IL16: variants seen among roughly 807,000 people sequenced by gnomAD.
The protein encoded by IL16 is pro-interleukin-16.
IL16 carries 67 observed loss-of-function variants against 110.1 expected under a neutral mutation model. That is an observed-to-expected ratio of 0.61 (90% CI 0.50 to 0.75). The LOEUF is 0.75. Ranked by LOEUF, IL16 falls within the 30% of genes least tolerant of loss-of-function variation. The pLI, the probability that IL16 is intolerant of heterozygous loss-of-function variation, is 0.00. For missense variants in IL16, 1,545 were observed against 1,655.0 expected (o/e 0.93, Z 1.15); for synonymous variants, 689 against 662.9 (o/e 1.04, Z -0.61).
chr15:81,194,435 A>T (rs980493174), upstream of IL16, among the ~76,000 whole-genome samples: 3 of 151,574 alleles, frequency 2.0e-5, no homozygotes, highest in African/African-American at 7.2e-5. Flanking sequence ...TTAATTTTTT[A>T]AATTAAATTT....
chr15:81,275,891 A>G (rs1898888048), intron 6 of IL16, among the ~76,000 whole-genome samples: 1 of 152,192 alleles, frequency 6.6e-6, no homozygotes, highest in Non-Finnish European at 1.5e-5. Flanking sequence ...CCAAGAAACT[A>G]TTGTGTAAGA....
upstream of IL16, among the ~76,000 whole-genome samples, chr15:81,192,988 A>G (rs75164215): frequency 6.8e-4 from 104 of 152,334 alleles, no homozygotes; most frequent in African/African-American, 2.4e-3. Context: ...CCTTACAAGT[A>G]TTACCATATT....
chr15:81,265,073 G>T (rs74030056), intron 3 of IL16, among the ~76,000 whole-genome samples: 1 of 152,118 alleles, frequency 6.6e-6, no homozygotes, highest in Non-Finnish European at 1.5e-5. Flanking sequence ...TAGAGTTCCC[G>T]GTTGGATGAA....
Position 81,313,334 on chromosome 15 carries a change from C to G in IL16, c.*4536C>G, listed in dbSNP as rs781682873. ...TGCTGCGGGGGAAGAAGGAGTCCAC[C>G]ACGTTCTGTGGGAGGTAACCGCTGA... On this transcript the variant is annotated 3_prime_UTR_variant, in exon 19 of 19. Transcript: ENST00000683961. 1 of 1,578,890 alleles carries G rather than the reference C, an allele frequency of 6.3e-7. No individual in the cohort carries two copies. Among genetic ancestry groups the G allele is most frequent in the Non-Finnish European group, 8.6e-7 (1 of 1,162,890 alleles).
At chr15:81,216,667 C>G (rs1484359180) in intron 1 of IL16, among the ~76,000 whole-genome samples, 1 of 141,834 alleles carries the variant, frequency 7.1e-6, no homozygotes, top group Non-Finnish European at 1.5e-5. Context: ...GCAGCAGCAG[C>G]AGCAGCAGGA....
At chr15:81,188,016 A>G (rs537575573) in intron 1 of IL16, among the ~76,000 whole-genome samples, 100 of 152,250 alleles carry the variant, frequency 6.6e-4, no homozygotes, top group African/African-American at 2.4e-3. Flanking sequence ...GGTGGTGAGC[A>G]CTGTATTGAG....
rs144696756 is a variant in IL16 at position 81,262,681 on chromosome 15, C to T, written c.421+2801C>T. Reference sequence around the variant, plus strand: ...GCGCAGTGGCTCACGCCTGTAATCCCAGCACTTTGGGAGGCCGAGGTGGGT... The same window carrying T: ...GCGCAGTGGCTCACGCCTGTAATCCTAGCACTTTGGGAGGCCGAGGTGGGT... On this transcript the variant is annotated intron_variant, in intron 3 of 18. Coordinates refer to ENST00000683961, the MANE Select transcript of IL16 (RefSeq NM_172217.5). Among the ~76,000 whole-genome samples, 1,065 of 152,306 alleles carry T rather than the reference C, an allele frequency of 7.0e-3. 15 individuals are homozygous for T. The highest frequency in any genetic ancestry group is 0.024 in the African/African-American group (996 of 41,564).
At chr15:81,227,769 C>A (rs917451343) in intron 2 of IL16, among the ~76,000 whole-genome samples, 5 of 150,994 alleles carry the variant, frequency 3.3e-5, no homozygotes, top group African/African-American at 1.2e-4. Flanking sequence ...GCAGCAATAA[C>A]CCAGGCCAGA....
intron 12 of IL16, chr15:81,295,398 C>T (rs879290706): frequency 1.6e-6 from 2 of 1,271,772 alleles, no homozygotes; most frequent in Non-Finnish European, 2.0e-6. Context: ...AGACAAAACA[C>T]ATTTGTGCTG....
rs1567046877 is a variant in IL16 at position 81,303,014 on chromosome 15, A to AGTGTGTGTGTGTGTGTGTGTGTGTGTGT, written c.3319-535_3319-534insGTGTGTGTGTGTGTGTGTGTGTGTGTGT. The stretch of plus-strand genomic sequence containing the variant: ...CGTCTAGGCTAGGAAGTACCGTAGT[A>AGTGTGTGTGTGTGTGTGTGTGTGTGTGT]ATGTGTGTGTGTGTGTGTGTGTGTG... On this transcript the variant is annotated intron_variant, in intron 15 of 18. Transcript: ENST00000683961. This position sits in a 1 kb window ranked among gnomAD's most constrained non-coding sequence, Gnocchi z 4.1. 1.4e-5 allele frequency among the ~76,000 whole-genome samples: 1 copy of AGTGTGTGTGTGTGTGTGTGTGTGTGTGT among 70,298 alleles called. No individual in the cohort carries two copies. Among genetic ancestry groups the AGTGTGTGTGTGTGTGTGTGTGTGTGTGT allele is most frequent in the African/African-American group, 5.1e-5 (1 of 19,730 alleles). 46.1% of individuals were successfully genotyped at this position (70,298 alleles called of 152,430 possible).
At chr15:81,200,449 A>C (rs1895767518) in intron 1 of IL16, among the ~76,000 whole-genome samples, 2 of 152,126 alleles carry the variant, frequency 1.3e-5, no homozygotes, top group African/African-American at 2.4e-5. Context: ...GGCTCACTGC[A>C]GCCTTGACTC....
At chr15:81,268,707 G>A (rs898937140) in intron 4 of IL16, among the ~76,000 whole-genome samples, 4 of 152,272 alleles carry the variant, frequency 2.6e-5, no homozygotes, top group African/African-American at 9.6e-5. Flanking sequence ...ATTAAATGCT[G>A]AAAGTAGCAA....
intron 2 of IL16, among the ~76,000 whole-genome samples, chr15:81,233,748 G>A (rs1240417020): frequency 2.0e-5 from 3 of 151,958 alleles, no homozygotes; most frequent in East Asian, 3.9e-4. Context: ...CCATTAATTT[G>A]CATGAATAGT....
At chr15:81,183,365 C>G (rs1280019498) in intron 1 of IL16, among the ~76,000 whole-genome samples, 1 of 152,222 alleles carries the variant, frequency 6.6e-6, no homozygotes, top group East Asian at 1.9e-4. Flanking sequence ...GAACGGAGTG[C>G]TGGTCTCTGG....
chr15:81,256,824 T>C (rs1413877341), intron 2 of IL16, among the ~76,000 whole-genome samples: 1 of 152,208 alleles, frequency 6.6e-6, no homozygotes, highest in Non-Finnish European at 1.5e-5. Context: ...TTATGCTCAA[T>C]GGACCCGAAA....
chr15:81,273,102 A>C lies in IL16; in HGVS notation c.688A>C (p.Ser230Arg). 1.2e-6 allele frequency: 2 copies of C among 1,613,020 alleles called. No individual in the cohort carries two copies. The highest frequency in any genetic ancestry group is 1.7e-6 in the Non-Finnish European group (2 of 1,179,262). ...TTTTTTTCCCCAGGGTCTGGGCTTCAGCATCGTTGGGGGAAAAGACAGCAT... is the reference window on the plus strand; with the variant it reads ...TTTTTTTCCCCAGGGTCTGGGCTTCCGCATCGTTGGGGGAAAAGACAGCAT... ...MKGQAKGLGF[S>R]IVGGKDSIYG... The change falls in exon 6 of 19, where the codon AGC (serine) becomes CGC (arginine). Residue 230 changes from serine (S) to arginine (R), a missense_variant. By Grantham distance (110) the Ser-to-Arg change is moderately radical. Coordinates refer to ENST00000683961, the MANE Select transcript of IL16 (RefSeq NM_172217.5).
chr15:81,192,520 GATT>G (rs1895514272), upstream of IL16, among the ~76,000 whole-genome samples: 1 of 152,158 alleles, frequency 6.6e-6, no homozygotes, highest in African/African-American at 2.4e-5. Context: ...GAGGCTGGAG[GATT>G]GCTTGAGCCA....
At chr15:81,242,479 T>C (rs11638444) in intron 2 of IL16, among the ~76,000 whole-genome samples, 35,918 of 152,058 alleles carry the variant, frequency 0.24, 4,897 homozygotes, top group African/African-American at 0.37. Flanking sequence ...TGCCTAAGTA[T>C]TTTGCTTTCT....
chr15:81,183,029 G>C (rs1333925541), intron 1 of IL16: 1 of 468,636 alleles, frequency 2.1e-6, no homozygotes, highest in Non-Finnish European at 4.0e-6. Context: ...GAGTGAGTGT[G>C]TGTGTGCACA....
Sources: allele counts gnomAD v4.1 joint callset (sites outside exome capture counted in the v4.1 genomes callset), GRCh38; gene constraint gnomAD v4.1.1; non-coding constraint Gnocchi (gnomAD v3.1); transcripts MANE v1.5; gene names NCBI Gene and HGNC (gene_info 2026-07-23, HGNC 2026-07-21).